Variants in ZNF221 observed in about 807,000 individuals in gnomAD.
ZNF221 encodes the protein zinc finger protein 221.
ZNF221 carries 10 observed loss-of-function variants against 12.6 expected under a neutral mutation model. The ratio of observed to expected loss-of-function variants is 0.79; its 90% confidence interval spans 0.49 to 1.34. The LOEUF (loss-of-function observed/expected upper bound fraction) is 1.34, where lower values mean the gene tolerates loss of function less well. Among genes scored for constraint, ZNF221 ranks in the 40% most tolerant of loss-of-function variants. The pLI is 0.00. For missense variants in ZNF221, 661 were observed against 721.4 expected, an observed-to-expected ratio of 0.92 and a Z score of 0.96; for synonymous variants, 232 against 244.0, an observed-to-expected ratio of 0.95 and a Z score of 0.46.
rs1366247460 is a variant in ZNF221, at chr19:43,962,721, C to T, written c.-2-4C>T. Reference sequence around the variant, plus strand: ...GTTTTTCTGCCTTTCCTGGCACTTTCCAGGCATGATTTCACCTTCACTTGA... The same window carrying T: ...GTTTTTCTGCCTTTCCTGGCACTTTTCAGGCATGATTTCACCTTCACTTGA... On this transcript the variant is annotated splice_region_variant and splice_polypyrimidine_tract_variant and intron_variant, in intron 1 of 4. Coordinates refer to ENST00000587682, the MANE Select transcript of ZNF221 (RefSeq NM_001297588.2). The T allele has an allele frequency of 1.9e-6, 3 of 1,613,786 alleles. No homozygotes were observed. The African/African-American group carries it at 4.0e-5, about 22-fold the overall frequency.
Position 43,966,303 on chromosome 19 carries a change from A to G in ZNF221, c.801A>G (p.Ser267=), listed in dbSNP as rs149798162. 5 of 1,613,422 alleles carry G rather than the reference A, an allele frequency of 3.1e-6. No homozygotes were observed. In the African/African-American group the frequency reaches 4.0e-5, roughly 13 times the overall value. ...GQCGKGFHSR[S]ALNVHCKLHT... ...GTGGGAAAGGCTTCCATAGTAGATC[A>G]GCACTTAATGTTCATTGCAAATTGC... is the stretch of plus-strand genomic sequence containing the variant. Residue 267 remains serine (S), a synonymous_variant, in exon 5 of 5, where the codon TCA becomes TCG. Coordinates refer to ENST00000587682, the MANE Select transcript of ZNF221 (RefSeq NM_001297588.2).
At chr19:43,970,408 T>C (rs1004671963), downstream of ZNF221, among the ~76,000 whole-genome samples, 16 of 152,298 alleles carry the variant, frequency 1.1e-4, no homozygotes, top group Non-Finnish European at 1.9e-4. Context: ...AGAACTGGGC[T>C]GAGGCTGAGA....
At chr19:43,954,492 C>T (rs946844914) in intron 1 of ZNF221, among the ~76,000 whole-genome samples, 2 of 152,120 alleles carry the variant, frequency 1.3e-5, no homozygotes, top group African/African-American at 4.8e-5. Flanking sequence ...GCAAATGCTT[C>T]CCCCTCAGTT....
chr19:43,973,513 A>T, the ZNF221 span, among the ~76,000 whole-genome samples: 1 of 152,222 alleles, frequency 6.6e-6, no homozygotes, highest in Admixed American at 6.5e-5. Flanking sequence ...CCATCATCTC[A>T]GCCCAAAAGC....
chr19:43,954,207 C>T (rs1974719462), intron 1 of ZNF221, among the ~76,000 whole-genome samples: 1 of 152,008 alleles, frequency 6.6e-6, no homozygotes, highest in East Asian at 1.9e-4. Context: ...TGCTGGCTTC[C>T]ATTTGATATA....
intron 1 of ZNF221, among the ~76,000 whole-genome samples, chr19:43,957,885 A>G (rs1055757361): frequency 6.6e-6 from 1 of 152,246 alleles, no homozygotes; most frequent in Non-Finnish European, 1.5e-5. Flanking sequence ...GTGAATTGCA[A>G]TCAAGAAGTA....
chr19:43,972,949 A>T, the ZNF221 span, among the ~76,000 whole-genome samples: 2 of 152,130 alleles, frequency 1.3e-5, no homozygotes, highest in Admixed American at 6.6e-5. Flanking sequence ...GATAAAACGA[A>T]AAAAGAAAAC....
intron 1 of ZNF221, among the ~76,000 whole-genome samples, chr19:43,962,170 T>C (rs1198292100): frequency 6.6e-6 from 1 of 152,200 alleles, no homozygotes; most frequent in Admixed American, 6.5e-5. Context: ...TCCAACTTTA[T>C]TGAGGTGTAT....
At chr19:43,979,366 T>C in the ZNF221 span, among the ~76,000 whole-genome samples, 1 of 151,972 alleles carries the variant, frequency 6.6e-6, no homozygotes, top group Non-Finnish European at 1.5e-5. Context: ...GTGGTATCAA[T>C]TTTAATTACA....
rs1211552169 is a variant in ZNF221, at chr19:43,966,386, C to G, written c.884C>G (p.Ser295Ter). 1 of 1,613,994 alleles carries G rather than the reference C, an allele frequency of 6.2e-7. No individual in the cohort carries two copies. ...EECGKAFIHD[S>*]QLQEHQRIHT... ...TGTGGGAAAGCCTTCATTCATGATT[C>G]ACAGCTTCAAGAACATCAGAGAATC... Residue 295 changes from serine (S) to a stop codon, truncating the protein, a stop_gained, in exon 5 of 5, where the codon TCA becomes TGA. Coordinates refer to ENST00000587682, the MANE Select transcript of ZNF221 (RefSeq NM_001297588.2). LOFTEE classifies it low-confidence loss of function (END_TRUNC).
In ZNF221 at chr19:43,965,081, G is replaced by A; in HGVS notation, c.208+5G>A. 2 of 1,613,954 alleles carry A rather than the reference G, an allele frequency of 1.2e-6. No individual in the cohort carries two copies. Among genetic ancestry groups the A allele is most frequent in the Non-Finnish European group, 1.7e-6 (2 of 1,179,944 alleles). The stretch of plus-strand genomic sequence containing the variant: ...TCAGGAACCTGCTCTCAGTAGGTGA[G>A]GACAGGCACCCTCTGTAACAGAATG... On this transcript the variant is annotated splice_donor_5th_base_variant and intron_variant, in intron 3 of 4. Coordinates refer to ENST00000587682, the MANE Select transcript of ZNF221 (RefSeq NM_001297588.2).
chr19:43,955,002 T>C (rs1306631068), intron 1 of ZNF221, among the ~76,000 whole-genome samples: 1 of 152,148 alleles, frequency 6.6e-6, no homozygotes, highest in African/African-American at 2.4e-5. Flanking sequence ...ATCAATGTTT[T>C]AATTGCCTGT....
At chr19:43,972,763 C>CAAA in the ZNF221 span, among the ~76,000 whole-genome samples, 45 of 67,940 alleles carry the variant, frequency 6.6e-4, 2 homozygotes, top group East Asian at 1.0e-3. Context: ...AATAGTCTAC[C>CAAA]AAAAAAAAAA....
Position 43,966,929 on chromosome 19 carries a change from G to C in ZNF221, c.1427G>C (p.Arg476Thr). ...EFHQRVHTGE[R>T]PYNCKECGKS... ...CACCAGAGGGTCCACACGGGTGAGA[G>C]ACCCTATAATTGTAAGGAATGTGGC... Residue 476 changes from arginine to threonine, a missense_variant, in exon 5 of 5, where the codon AGA (arginine) becomes ACA (threonine). Physicochemically the swap from Arg to Thr is moderately conservative, Grantham distance 71. Transcript: ENST00000587682. The C allele has an allele frequency of 6.2e-7, 1 of 1,614,186 alleles. No individual in the cohort carries two copies. The highest frequency in any genetic ancestry group is 1.1e-5 in the South Asian group (1 of 91,084).
intron 1 of ZNF221, among the ~76,000 whole-genome samples, chr19:43,962,306 G>A (rs887375203): frequency 2.0e-5 from 3 of 152,146 alleles, no homozygotes; most frequent in Non-Finnish European, 4.4e-5. Context: ...TGGACTCCTT[G>A]TGCTTATGTA....
chr19:43,973,026 C>T, the ZNF221 span, among the ~76,000 whole-genome samples: 1 of 152,240 alleles, frequency 6.6e-6, no homozygotes, highest in African/African-American at 2.4e-5. Flanking sequence ...AAACTGAATC[C>T]AGCAGCACAT....
downstream of ZNF221, among the ~76,000 whole-genome samples, chr19:43,971,645 TAA>T (rs55735919): frequency 0.17 from 25,965 of 148,436 alleles, 2,402 homozygotes; most frequent in African/African-American, 0.25. Context: ...CCAACAAAGA[TAA>T]AAAAAAAAAA....
At chr19:43,972,762 C>CAAAAA in the ZNF221 span, among the ~76,000 whole-genome samples, 3 of 5,764 alleles carry the variant, frequency 5.2e-4, no homozygotes, top group Admixed American at 6.3e-3. Flanking sequence ...TAATAGTCTA[C>CAAAAA]CAAAAAAAAA....
the ZNF221 span, among the ~76,000 whole-genome samples, chr19:43,976,452 G>A: frequency 2.0e-5 from 3 of 152,080 alleles, no homozygotes; most frequent in Non-Finnish European, 4.4e-5. Flanking sequence ...CATGAGAATC[G>A]CTTGAGCCTG....
Sources: allele counts gnomAD v4.1 joint callset (sites outside exome capture counted in the v4.1 genomes callset), GRCh38; gene constraint gnomAD v4.1.1; transcripts MANE v1.5; gene names NCBI Gene and HGNC (gene_info 2026-07-23, HGNC 2026-07-21).